TPM4: variants seen among roughly 807,000 people sequenced by gnomAD.
TPM4 encodes the protein tropomyosin alpha-4 chain.
Under a neutral mutation model 35.8 loss-of-function variants are expected in TPM4, and 17 were observed. The observed-to-expected ratio is 0.47, with a 90% CI of 0.32 to 0.71. TPM4 has a LOEUF of 0.71. Ranked by LOEUF, TPM4 falls within the 30% of genes least tolerant of loss-of-function variation. The pLI is 0.03. For missense variants in TPM4, 240 were observed against 320.9 expected (o/e 0.75, Z 1.93); for synonymous variants, 120 against 122.9 (o/e 0.98, Z 0.15).
chr19:16,083,150 C>T (rs529116394), intron 2 of TPM4, among the ~76,000 whole-genome samples: 1 of 152,108 alleles, frequency 6.6e-6, no homozygotes, highest in Non-Finnish European at 1.5e-5. Context: ...AATGTACTTG[C>T]AACTGACCAT....
At chr19:16,093,411 G>A in intron 5 of TPM4, 125 bp from the exon 6 acceptor site, 1 of 1,016,812 alleles carries the variant, frequency 9.8e-7, no homozygotes, top group Non-Finnish European at 1.5e-6. Flanking sequence ...GGCCAGGCTG[G>A]TCTCGAACTC....
intron 2 of TPM4, 146 bp from the exon 3 acceptor site, chr19:16,086,277 G>A (rs1010988138): frequency 3.1e-6 from 2 of 640,558 alleles, no homozygotes; most frequent in Non-Finnish European, 5.6e-6. Flanking sequence ...TTGAACCCGG[G>A]AGGTGGAGGT....
rs2090659659 is a variant in TPM4, at chr19:16,093,820, T to C, written c.664+67T>C. On this transcript the variant is annotated intron_variant, in intron 7 of 7. Coordinates refer to ENST00000643579, the MANE Select transcript of TPM4 (RefSeq NM_003290.3). Reference sequence around the variant, plus strand: ...CCCTCTGGGACACATCCACGGACAGTTGGGGAATGTTTGTGGAGGGGCTGG... The same window carrying C: ...CCCTCTGGGACACATCCACGGACAGCTGGGGAATGTTTGTGGAGGGGCTGG... 2.5e-6 allele frequency: 4 copies of C among 1,581,026 alleles called. No individual in the cohort carries two copies. The Admixed American group carries it at 6.7e-5, about 27-fold the overall frequency.
At chr19:16,095,379 C>A in intron 7 of TPM4, 1 of 1,034,268 alleles carries the variant, frequency 9.7e-7, no homozygotes, top group South Asian at 4.5e-5. Context: ...CTGTCCTTCT[C>A]ACATGGTGCC....
chr19:16,076,479 G>A, upstream of TPM4: 3 of 1,333,726 alleles, frequency 2.2e-6, no homozygotes, highest in Non-Finnish European at 2.9e-6. Flanking sequence ...AAGGCTTGGG[G>A]GGCCGGGGCG....
Position 16,070,794 on chromosome 19 carries a change from T to A in TPM4, c.114+3056T>A, listed in dbSNP as rs936143226. 3.9e-5 allele frequency among the ~76,000 whole-genome samples: 6 copies of A among 151,950 alleles called. No individual in the cohort carries two copies. The highest frequency in any genetic ancestry group is 3.2e-3 in the Middle Eastern group (1 of 314). The stretch of plus-strand genomic sequence containing the variant: ...GCTGCCCTAAGAGTATGTGGCACAT[T>A]CGTGCAGGCCAAGCCCCACCCCAGT... On this transcript the variant is annotated intron_variant, in intron 2 of 2. Coordinates refer to the TPM4 transcript ENST00000589897. The surrounding 1 kb of genome is among the most constrained non-coding windows in gnomAD (Gnocchi z 7.4).
intron 1 of TPM4, chr19:16,081,403 T>TTTTA: frequency 4.6e-6 from 1 of 217,190 alleles, no homozygotes; most frequent in East Asian, 8.7e-5. Flanking sequence ...CTCGCTTTTT[T>TTTTA]TTTTTTTTTT....
Position 16,102,887 on chromosome 19 carries a change from T to TA in TPM4, c.*1542dup, listed in dbSNP as rs143558304. On this transcript the variant is annotated 3_prime_UTR_variant, in exon 8 of 8. Transcript: ENST00000643579. The stretch of plus-strand genomic sequence containing the variant: ...ATTCAGCACCACACTACCCAGGAAA[T>TA]ACACTAGCAAATTGTGCAATGGAAT... 0.052 allele frequency: 7,268 copies of TA among 140,420 alleles called. 199 individuals carry two copies. The highest frequency in any genetic ancestry group is 0.13 in the Middle Eastern group (45 of 344). The allele number at this position is 140,420 out of a possible 1,614,324, so 8.7% of individuals were successfully genotyped here.
intron 4 of TPM4, 143 bp from the exon 5 acceptor site, chr19:16,088,901 TA>T (rs2090591556): frequency 6.8e-7 from 1 of 1,467,780 alleles, no homozygotes; most frequent in African/African-American, 1.4e-5. Context: ...AAAAATCCAT[TA>T]ACATTTTCTC....
At chr19:16,085,894 C>T (rs113896275) in intron 2 of TPM4, among the ~76,000 whole-genome samples, 49 of 151,956 alleles carry the variant, frequency 3.2e-4, no homozygotes, top group Non-Finnish European at 5.9e-4. Flanking sequence ...CATGGCGAAA[C>T]CCCCTCTCTA....
At chr19:16,099,947 C>T (rs758642540) in intron 7 of TPM4, 2 of 152,186 alleles carry the variant, frequency 1.3e-5, no homozygotes, top group Non-Finnish European at 2.9e-5. Context: ...ATAATTTAAA[C>T]AGCCATTCCC....
intron 7 of TPM4, chr19:16,095,746 A>ATT: frequency 3.3e-6 from 1 of 307,432 alleles, no homozygotes; most frequent in East Asian, 1.5e-4. Flanking sequence ...CATGCCAATA[A>ATT]TTTTTTTTTG....
At chr19:16,096,864 T>C (rs1322766890) in intron 7 of TPM4, among the ~76,000 whole-genome samples, 1 of 151,402 alleles carries the variant, frequency 6.6e-6, no homozygotes, top group East Asian at 1.9e-4. Flanking sequence ...GAATAGCTCT[T>C]AAGGTTGACC....
At position 16,070,757 on chromosome 19, in the gene TPM4, C is replaced by T. The variant is rs2090349076; in HGVS notation, c.114+3019C>T. ...TTCCCCTTTGGGCCTCCCCAGCCCC[C>T]CGTGCCCCAGGGCTGCCCTAAGAGT... On this transcript the variant is annotated intron_variant, in intron 2 of 2. Transcript: ENST00000589897. This position sits in a 1 kb window ranked among gnomAD's most constrained non-coding sequence, Gnocchi z 7.4. 6.6e-6 allele frequency among the ~76,000 whole-genome samples: 1 copy of T among 152,078 alleles called. No individual in the cohort carries two copies. Among genetic ancestry groups the T allele is most frequent in the African/African-American group, 2.4e-5 (1 of 41,418 alleles).
chr19:16,076,381 C>A, upstream of TPM4: 1 of 1,405,424 alleles, frequency 7.1e-7, no homozygotes, highest in Middle Eastern at 2.6e-4. Context: ...GCGGTGCTGA[C>A]GTCGGCGGTC....
intron 7 of TPM4, chr19:16,095,519 C>A (rs1364155574): frequency 2.9e-6 from 3 of 1,017,192 alleles, no homozygotes; most frequent in Non-Finnish European, 3.5e-6. Context: ...TTCATGCCCC[C>A]TCATTCTCAT....
At chr19:16,101,228 T>G in intron 7 of TPM4, 36 bp from the exon 8 acceptor site, 3 of 1,469,378 alleles carry the variant, frequency 2.0e-6, no homozygotes, top group Non-Finnish European at 2.8e-6. Context: ...AGACGCTTAT[T>G]AATTTATCTT....
At chr19:16,093,657 G>T in intron 6 of TPM4, 27 bp from the exon 7 acceptor site, 2 of 1,614,248 alleles carry the variant, frequency 1.2e-6, no homozygotes, top group South Asian at 2.2e-5. Context: ...TTGAAGCCAT[G>T]ATAGTAACTC....
intron 4 of TPM4, chr19:16,088,700 C>A: frequency 9.3e-7 from 1 of 1,071,358 alleles, no homozygotes. Context: ...CTCTGCCCGC[C>A]TTCTGCCCTC....
Sources: gnomAD v4.1 joint callset for allele counts (sites outside exome capture counted in the v4.1 genomes callset) on GRCh38, gnomAD v4.1.1 for gene constraint, Gnocchi (gnomAD v3.1) non-coding constraint, MANE v1.5 for transcripts, NCBI Gene and HGNC (gene_info 2026-07-23, HGNC 2026-07-21) for gene names.